The following FHOD3 variants were observed in gnomAD, a reference collection of about 807,000 sequenced individuals.
FHOD3 encodes the protein FH1/FH2 domain-containing protein 3.
In FHOD3, 90 loss-of-function variants were observed where a neutral mutation model predicts 173.0. The ratio of observed to expected loss-of-function variants is 0.52; its 90% CI spans 0.44 to 0.62. The LOEUF is 0.62. Among genes scored for constraint, FHOD3 ranks in the 20% least tolerant of loss-of-function variants. FHOD3 has a pLI of 0.00. For missense variants in FHOD3, 1,945 were observed against 2,034.7 expected (o/e 0.96, Z 0.85); for synonymous variants, 828 against 823.0 (o/e 1.01, Z -0.10).
chr18:36,667,795 G>C (rs1291407890), intron 14 of FHOD3, among the ~76,000 whole-genome samples: 1 of 152,076 alleles, frequency 6.6e-6, no homozygotes, highest in East Asian at 1.9e-4. Flanking sequence ...TATTAAAAAA[G>C]AAAAGTAGTT....
intron 3 of FHOD3, among the ~76,000 whole-genome samples, chr18:36,436,263 A>G (rs2050802155): frequency 6.6e-6 from 1 of 152,194 alleles, no homozygotes; most frequent in Non-Finnish European, 1.5e-5. Context: ...TCAATTCCTT[A>G]AAGATTGTTC....
At chr18:36,731,044 C>G (rs982902859) in intron 20 of FHOD3, among the ~76,000 whole-genome samples, 6 of 152,148 alleles carry the variant, frequency 3.9e-5, no homozygotes, top group African/African-American at 1.4e-4. Context: ...CACATTCTGC[C>G]TACCTCAAAA....
At chr18:36,763,491 G>A (rs987808130) in intron 27 of FHOD3, among the ~76,000 whole-genome samples, 4 of 139,904 alleles carry the variant, frequency 2.9e-5, no homozygotes, top group South Asian at 2.2e-4. Context: ...TATTATACAC[G>A]TTATATATAA....
intron 4 of FHOD3, among the ~76,000 whole-genome samples, chr18:36,512,046 A>G (rs1398809726): frequency 6.6e-6 from 1 of 152,204 alleles, no homozygotes; most frequent in Non-Finnish European, 1.5e-5. Context: ...CTCACCTGAT[A>G]GTCTTTGCTG....
At chr18:36,779,205 C>T (rs1367377332) in intron 28 of FHOD3, 8 of 554,958 alleles carry the variant, frequency 1.4e-5, no homozygotes, top group Admixed American at 6.2e-5. Flanking sequence ...TCACTCCTCT[C>T]GGCCCTCCAA....
Position 36,744,024 on chromosome 18 carries a change from CA to C in FHOD3, c.3880-4del. The stretch of plus-strand genomic sequence containing the variant: ...GAAACATGTCTTTTATTGATGTTTG[CA>C]AAACAGGCCAAAGCGTTTGAGTTAA... On this transcript the variant is annotated splice_polypyrimidine_tract_variant and splice_region_variant and intron_variant, in intron 22 of 28. Coordinates refer to ENST00000590592, the MANE Select transcript of FHOD3 (RefSeq NM_001281740.3). 6.2e-7 allele frequency: 1 copy of C among 1,614,026 alleles called. No individual in the cohort carries two copies. Among genetic ancestry groups the C allele is most frequent in the Non-Finnish European group, 8.5e-7 (1 of 1,179,996 alleles).
chr18:36,740,587 A>C, intron 20 of FHOD3, 69 bp from the exon 21 acceptor site: 3 of 1,345,306 alleles, frequency 2.2e-6, no homozygotes, highest in Non-Finnish European at 3.1e-6. Context: ...TATGAATTTT[A>C]TAACATTGAA....
intron 3 of FHOD3, among the ~76,000 whole-genome samples, chr18:36,478,390 A>C (rs2053703750): frequency 6.6e-6 from 1 of 152,194 alleles, no homozygotes; most frequent in Non-Finnish European, 1.5e-5. Context: ...CTATCACCTC[A>C]ACCATCTATT....
At chr18:36,347,151 C>T (rs1260750368) in intron 1 of FHOD3, among the ~76,000 whole-genome samples, 1 of 152,150 alleles carries the variant, frequency 6.6e-6, no homozygotes, top group Non-Finnish European at 1.5e-5. Flanking sequence ...TAATAATAAT[C>T]CTGAAACATA....
At chr18:36,392,542 A>C (rs542579131) in intron 3 of FHOD3, among the ~76,000 whole-genome samples, 26 of 152,310 alleles carry the variant, frequency 1.7e-4, no homozygotes, top group African/African-American at 6.3e-4. Flanking sequence ...CTCCCTGAGT[A>C]GGGGACAGAG....
chr18:36,362,623 GCCAGCCATAGGATGCAGGTGAGGAGAGGA>G (rs1181387732), intron 2 of FHOD3, among the ~76,000 whole-genome samples: 17 of 152,106 alleles, frequency 1.1e-4, no homozygotes, highest in African/African-American at 1.7e-4. Flanking sequence ...GTCCTGGAGG[GCCAGCCATAGGATGCAGGTGAGGAGAGGA>G]CCAGTCCCTG....
chr18:36,341,706 C>T (rs1190768948), intron 1 of FHOD3, among the ~76,000 whole-genome samples: 1 of 152,120 alleles, frequency 6.6e-6, no homozygotes, highest in Non-Finnish European at 1.5e-5. Flanking sequence ...ACATAATAGG[C>T]CATACAAACA....
intron 2 of FHOD3, among the ~76,000 whole-genome samples, chr18:36,355,893 G>T (rs568876611): frequency 6.6e-6 from 1 of 152,172 alleles, no homozygotes; most frequent in Admixed American, 6.5e-5. Context: ...CAAGCACATG[G>T]TATTTATATG....
chr18:36,474,944 G>T (rs1184548861), intron 3 of FHOD3, among the ~76,000 whole-genome samples: 1 of 150,920 alleles, frequency 6.6e-6, no homozygotes, highest in Non-Finnish European at 1.5e-5. Context: ...TTTGGGCTCA[G>T]CTAGTTTTCA....
At chr18:36,460,651 G>C (rs2052495272) in intron 3 of FHOD3, among the ~76,000 whole-genome samples, 1 of 152,182 alleles carries the variant, frequency 6.6e-6, no homozygotes, top group Admixed American at 6.5e-5. Context: ...TGATAGACAA[G>C]GCCCTGTCCC....
intron 20 of FHOD3, among the ~76,000 whole-genome samples, chr18:36,739,422 T>C (rs2041799066): frequency 2.6e-5 from 4 of 152,220 alleles, no homozygotes; most frequent in Non-Finnish European, 5.9e-5. Context: ...TTGAATTCTT[T>C]CCTGGTTAAA....
chr18:36,731,754 G>A (rs1568689737), intron 20 of FHOD3, among the ~76,000 whole-genome samples: 1 of 152,208 alleles, frequency 6.6e-6, no homozygotes, highest in African/African-American at 2.4e-5. Context: ...CTGGGCCTCT[G>A]GCCAGAATCA....
chr18:36,716,625 A>G (rs1475082928), intron 18 of FHOD3, among the ~76,000 whole-genome samples: 1 of 152,204 alleles, frequency 6.6e-6, no homozygotes, highest in Admixed American at 6.5e-5. Context: ...GGAGACTGAG[A>G]AGGAGTAGCC....
At chr18:36,565,932 T>C (rs536595690) in intron 5 of FHOD3, among the ~76,000 whole-genome samples, 7 of 152,322 alleles carry the variant, frequency 4.6e-5, no homozygotes, top group African/African-American at 1.2e-4. Context: ...AAAGTTGTGA[T>C]ATATCTATAG....
Sources: allele counts gnomAD v4.1 joint callset (sites outside exome capture counted in the v4.1 genomes callset), GRCh38; gene constraint gnomAD v4.1.1; transcripts MANE v1.5; gene names NCBI Gene and HGNC (gene_info 2026-07-23, HGNC 2026-07-21).